ABLIM1: variants seen among roughly 807,000 people sequenced by gnomAD.
The protein encoded by ABLIM1 is actin binding LIM protein 1.
In ABLIM1, 40 loss-of-function variants were observed where a neutral mutation model predicts 107.0. That is an observed-to-expected ratio of 0.37 (90% CI 0.29 to 0.49). ABLIM1 has a LOEUF of 0.49. ABLIM1 is among the 20% of genes least tolerant of loss of function. The pLI, the probability that ABLIM1 is intolerant of heterozygous loss-of-function variation, is 0.97. For missense variants in ABLIM1, 857 were observed against 1,008.5 expected (o/e 0.85, Z 2.04); for synonymous variants, 357 against 357.3 (o/e 1.00, Z 0.01).
chr10:114,740,424 G>A (rs2082263651), intron 1 of ABLIM1, among the ~76,000 whole-genome samples: 1 of 151,592 alleles, frequency 6.6e-6, no homozygotes, highest in Admixed American at 6.6e-5. Flanking sequence ...TTTTGCTTGG[G>A]ACTGTGTAGG....
chr10:114,523,997 G>T (rs2475239), intron 6 of ABLIM1, among the ~76,000 whole-genome samples: 94,419 of 152,112 alleles, frequency 0.62, 31,092 homozygotes, highest in African/African-American at 0.86. Context: ...CAGGTGGAGA[G>T]AAATGCAAGA....
upstream of ABLIM1, among the ~76,000 whole-genome samples, chr10:114,769,345 T>G (rs186605067): frequency 5.7e-3 from 655 of 113,974 alleles, 8 homozygotes; most frequent in African/African-American, 0.021. Flanking sequence ...TCCATCGAGA[T>G]AAGAAAGAAA....
intron 1 of ABLIM1, among the ~76,000 whole-genome samples, chr10:114,691,213 G>A (rs2081070780): frequency 6.6e-6 from 1 of 152,124 alleles, no homozygotes; most frequent in African/African-American, 2.4e-5. Flanking sequence ...GCTATTATGA[G>A]ACGTGATCAA....
At chr10:114,584,721 C>A (rs936248149) in intron 2 of ABLIM1, among the ~76,000 whole-genome samples, 1 of 152,122 alleles carries the variant, frequency 6.6e-6, no homozygotes, top group Non-Finnish European at 1.5e-5. Flanking sequence ...AATCAATTAT[C>A]ATTTCTGGGA....
chr10:114,745,798 G>A lies in ABLIM1; in HGVS notation c.-213+22263C>T, dbSNP rs191571469. Among the ~76,000 whole-genome samples, 9 of 152,232 alleles carry A rather than the reference G, an allele frequency of 5.9e-5. No homozygotes were observed. The East Asian group carries it at 1.4e-3, about 23-fold the overall frequency. ...GGAGGTTGCAGTGAGCTGAGATTGC[G>A]CCATTGCTCTCCAGCCTGGGGAACA... On this transcript the variant is annotated intron_variant, in intron 1 of 15. Transcript: ENST00000651092.
At chr10:114,587,566 C>A (rs1014113924) in intron 2 of ABLIM1, among the ~76,000 whole-genome samples, 4 of 152,092 alleles carry the variant, frequency 2.6e-5, no homozygotes, top group African/African-American at 9.7e-5. Flanking sequence ...GTTTAAAGTG[C>A]CATCTTTTCA....
chr10:114,526,577 C>T, intron 6 of ABLIM1: 2 of 971,900 alleles, frequency 2.1e-6, no homozygotes, highest in Non-Finnish European at 2.4e-6. Context: ...GAGCGGCCTC[C>T]GACCTCACGA....
At chr10:114,490,278 T>G (rs757894328) in intron 7 of ABLIM1, among the ~76,000 whole-genome samples, 1 of 152,256 alleles carries the variant, frequency 6.6e-6, no homozygotes, top group Non-Finnish European at 1.5e-5. Context: ...AATTCCGTGA[T>G]GTTTTTAATC....
chr10:114,734,251 TTCACCCTATAACTGGTTCTCCACCAAA>T (rs2082133746), intron 1 of ABLIM1, among the ~76,000 whole-genome samples: 1 of 152,146 alleles, frequency 6.6e-6, no homozygotes, highest in Admixed American at 6.5e-5. Context: ...CCTAATCTAA[TTCACCCTATAACTGGTTCTCCACCAAA>T]TCTCCCTAAA....
chr10:114,578,409 G>GTTT (rs35844913), intron 2 of ABLIM1, among the ~76,000 whole-genome samples: 6 of 141,408 alleles, frequency 4.2e-5, no homozygotes, highest in Admixed American at 7.1e-5. Context: ...ATTTTCTGTT[G>GTTT]TTTTTTTTTT....
At chr10:114,478,118 G>A (rs1176610060) in intron 8 of ABLIM1, among the ~76,000 whole-genome samples, 2 of 152,076 alleles carry the variant, frequency 1.3e-5, no homozygotes, top group Non-Finnish European at 2.9e-5. Flanking sequence ...TAATACTGTT[G>A]AGCTAAAGAT....
intron 1 of ABLIM1, among the ~76,000 whole-genome samples, chr10:114,736,076 ACCC>A: frequency 6.6e-6 from 1 of 152,140 alleles, no homozygotes; most frequent in Non-Finnish European, 1.5e-5. Flanking sequence ...TATGTAATGT[ACCC>A]CCAAAAGAGA....
At chr10:114,571,010 T>C (rs1263573641) in intron 4 of ABLIM1, among the ~76,000 whole-genome samples, 1 of 152,176 alleles carries the variant, frequency 6.6e-6, no homozygotes, top group Non-Finnish European at 1.5e-5. Flanking sequence ...TCTCCACACC[T>C]AGGCTGATGC....
chr10:114,632,035 G>A (rs2078217167), intron 1 of ABLIM1: 1 of 1,270,544 alleles, frequency 7.9e-7, no homozygotes, highest in South Asian at 1.3e-5. Flanking sequence ...AGAAGCCCCG[G>A]CATCCGCTTG....
chr10:114,566,495 A>C (rs2070762806), intron 4 of ABLIM1, among the ~76,000 whole-genome samples: 1 of 152,196 alleles, frequency 6.6e-6, no homozygotes, highest in African/African-American at 2.4e-5. Context: ...AGTGGAATGA[A>C]GCTTTCGAAG....
At chr10:114,576,736 C>A (rs2072626120) in intron 2 of ABLIM1, among the ~76,000 whole-genome samples, 1 of 152,188 alleles carries the variant, frequency 6.6e-6, no homozygotes, top group Non-Finnish European at 1.5e-5. Flanking sequence ...TGATCCAAAA[C>A]CCACAAACAA....
At chr10:114,739,184 C>T (rs760610119) in intron 1 of ABLIM1, among the ~76,000 whole-genome samples, 1 of 152,126 alleles carries the variant, frequency 6.6e-6, no homozygotes, top group Non-Finnish European at 1.5e-5. Context: ...CTCTAGTTTC[C>T]GATGTTTACA....
chr10:114,684,804 A>G (rs887097890), exon 1 of ABLIM1: 1 of 854,730 alleles, frequency 1.2e-6, no homozygotes, highest in Non-Finnish European at 1.4e-6. Flanking sequence ...GAAATAAAGA[A>G]AGAAAAGGAT....
chr10:114,709,147 G>A (rs1032915427), intron 1 of ABLIM1, among the ~76,000 whole-genome samples: 8 of 152,142 alleles, frequency 5.3e-5, no homozygotes, highest in African/African-American at 1.7e-4. Context: ...AACTTTTACT[G>A]TTTACTATGG....
Sources: gnomAD v4.1 joint callset for allele counts (sites outside exome capture counted in the v4.1 genomes callset) on GRCh38, gnomAD v4.1.1 for gene constraint, MANE v1.5 for transcripts, NCBI Gene and HGNC (gene_info 2026-07-23, HGNC 2026-07-21) for gene names.